The following ANKRD6 variants were observed in gnomAD, a reference collection of about 807,000 sequenced individuals.
ANKRD6 encodes the protein ankyrin repeat domain 6, also known as ankyrin repeat domain-containing protein 6.
ANKRD6 carries 56 observed loss-of-function variants against 82.3 expected under a neutral mutation model. That is an observed-to-expected ratio of 0.68 (90% CI 0.55 to 0.85). The LOEUF is 0.85. Ranked by LOEUF, ANKRD6 falls within the 40% of genes least tolerant of loss-of-function variation. The pLI is 0.00. For synonymous variants in ANKRD6, 347 were observed against 352.1 expected (o/e 0.99, Z 0.16); for missense variants, 852 against 907.6 (o/e 0.94, Z 0.79).
chr6:89,590,881 G>A (rs1794741947), intron 2 of ANKRD6, among the ~76,000 whole-genome samples: 1 of 152,152 alleles, frequency 6.6e-6, no homozygotes, highest in Admixed American at 6.6e-5. Context: ...TAATTGGGAG[G>A]ATAGAATTAG....
At position 89,629,120 on chromosome 6, in the gene ANKRD6, G is replaced by C. The variant is rs186353748; in HGVS notation, c.1494G>C (p.Leu498Phe). Residue 498 changes from leucine (L) to phenylalanine (F), a missense_variant, in exon 15 of 16, where the codon TTG (leucine) becomes TTC (phenylalanine). Physicochemically the swap from Leu to Phe is conservative, Grantham distance 22. Coordinates refer to ENST00000339746, the MANE Select transcript of ANKRD6 (RefSeq NM_001242809.2). ...KHEGEKRQISLVDELKTWCML... is the reference protein window; with the variant it reads ...KHEGEKRQISFVDELKTWCML... ...TTGTTTTTTTTTTTAAGATATCCTT[G>C]GTGGATGAATTAAAAACCTGGTGCA... The C allele has an allele frequency of 2.8e-4, 453 of 1,611,594 alleles. 1 individual carries two copies. The highest frequency in any genetic ancestry group is 7.2e-4 in the Admixed American group (43 of 59,862).
At position 89,508,687 on chromosome 6, in the gene ANKRD6, T is replaced by A. The variant is rs373682329; in HGVS notation, c.-143-58147T>A. ...GCAGCACTGAGATTTATTTTCCTGG[T>A]TACCTATATTTTATTCACATATTTA... On this transcript the variant is annotated intron_variant, in intron 1 of 15. Transcript: ENST00000339746. Among the ~76,000 whole-genome samples, 62 of 152,338 alleles carry A rather than the reference T, an allele frequency of 4.1e-4. No individual in the cohort carries two copies. In the South Asian group the frequency reaches 0.011, roughly 28 times the overall value.
At chr6:89,461,133 C>CT (rs1323224188) in intron 1 of ANKRD6, among the ~76,000 whole-genome samples, 15 of 152,134 alleles carry the variant, frequency 9.9e-5, no homozygotes, top group Admixed American at 9.8e-4. Flanking sequence ...ATGCTAGTCT[C>CT]TAACTCCTGA....
rs945128823 is a variant in ANKRD6 at position 89,629,233 on chromosome 6, C to T, written c.1607C>T (p.Ser536Phe). Reference sequence around the variant, plus strand: ...TCCACACCATCTACTTGTGAGTCCTCTACAGGTAACCCACACACAGAGAGC... The same window carrying T: ...TCCACACCATCTACTTGTGAGTCCTTTACAGGTAACCCACACACAGAGAGC... Reference protein sequence around the residue: ...AKSTPSTCESSTGVDQLVVTA... With the variant: ...AKSTPSTCESFTGVDQLVVTA... Residue 536 changes from serine to phenylalanine, a missense_variant, in exon 15 of 16, where the codon TCT becomes TTT. Coordinates refer to ENST00000339746, the MANE Select transcript of ANKRD6 (RefSeq NM_001242809.2). 6.2e-7 allele frequency: 1 copy of T among 1,613,818 alleles called. No individual in the cohort carries two copies. Among genetic ancestry groups the T allele is most frequent in the Non-Finnish European group, 8.5e-7 (1 of 1,179,842 alleles).
At chr6:89,624,485 A>G (rs1804901234) in intron 12 of ANKRD6, 54 bp from the exon 13 acceptor site, 3 of 1,542,296 alleles carry the variant, frequency 1.9e-6, no homozygotes, top group African/African-American at 1.4e-5. Flanking sequence ...TGCTCAAAAC[A>G]TACCTGATGA....
chr6:89,568,949 T>C (rs1022141679), intron 2 of ANKRD6, among the ~76,000 whole-genome samples: 1 of 141,278 alleles, frequency 7.1e-6, no homozygotes, highest in Non-Finnish European at 1.6e-5. Context: ...TTTTTTTTTT[T>C]AGACAGTGTG....
At chr6:89,483,896 CTCTCTCTCTG>C (rs1269140336) in intron 1 of ANKRD6, among the ~76,000 whole-genome samples, 1 of 151,972 alleles carries the variant, frequency 6.6e-6, no homozygotes, top group Non-Finnish European at 1.5e-5. Context: ...TAGTCCTCCT[CTCTCTCTCTG>C]TCTCTCTCTC....
chr6:89,516,947 CA>C (rs763060971), intron 1 of ANKRD6, among the ~76,000 whole-genome samples: 19 of 152,172 alleles, frequency 1.2e-4, no homozygotes, highest in Non-Finnish European at 8.8e-5. Context: ...TAGCTTACTG[CA>C]GCTTTGATAT....
intron 2 of ANKRD6, among the ~76,000 whole-genome samples, chr6:89,581,290 C>T (rs1044394751): frequency 7.2e-5 from 11 of 152,160 alleles, no homozygotes; most frequent in Non-Finnish European, 1.5e-4. Context: ...TTGCACAGTA[C>T]GATTATGTTT....
At chr6:89,472,724 G>A (rs765482195) in intron 1 of ANKRD6, among the ~76,000 whole-genome samples, 5 of 152,124 alleles carry the variant, frequency 3.3e-5, no homozygotes, top group Non-Finnish European at 5.9e-5. Context: ...ACTGGCCCAC[G>A]TTGGAGTATC....
intron 1 of ANKRD6, among the ~76,000 whole-genome samples, chr6:89,476,461 C>G (rs1776049027): frequency 6.6e-6 from 1 of 152,078 alleles, no homozygotes; most frequent in South Asian, 2.1e-4. Flanking sequence ...AGTGCTGGCA[C>G]CCAGCCAATA....
At chr6:89,577,149 A>G (rs1030194210) in intron 2 of ANKRD6, among the ~76,000 whole-genome samples, 3 of 151,722 alleles carry the variant, frequency 2.0e-5, no homozygotes, top group Admixed American at 2.0e-4. Context: ...CCTCTTCCCA[A>G]GGTCCCTTTT....
At chr6:89,468,681 A>G (rs1176496388) in intron 1 of ANKRD6, among the ~76,000 whole-genome samples, 1 of 150,342 alleles carries the variant, frequency 6.7e-6, no homozygotes, top group African/African-American at 2.5e-5. Context: ...AACTCCCCTC[A>G]TTCAAAGGGT....
chr6:89,465,843 A>G (rs930306993), intron 1 of ANKRD6, among the ~76,000 whole-genome samples: 1 of 152,144 alleles, frequency 6.6e-6, no homozygotes, highest in Admixed American at 6.5e-5. Flanking sequence ...AGCTTGGGTG[A>G]CAGAGTGAGA....
At chr6:89,453,878 T>G (rs1216779798) in intron 1 of ANKRD6, among the ~76,000 whole-genome samples, 1 of 152,124 alleles carries the variant, frequency 6.6e-6, no homozygotes, top group Non-Finnish European at 1.5e-5. Flanking sequence ...CTCGGCTCAC[T>G]GCAAGCTCAG....
At chr6:89,602,944 C>T (rs1338470029) in intron 3 of ANKRD6, 85 bp from the exon 4 acceptor site, 1 of 1,129,112 alleles carries the variant, frequency 8.9e-7, no homozygotes, top group Non-Finnish European at 1.3e-6. Context: ...CGGGAGGGGT[C>T]CTTGTGTCCA....
chr6:89,607,375 A>G (rs1220710750), intron 5 of ANKRD6, among the ~76,000 whole-genome samples: 1 of 152,126 alleles, frequency 6.6e-6, no homozygotes, highest in Non-Finnish European at 1.5e-5. Context: ...ATTATGGTTC[A>G]TTCATACAGT....
intron 1 of ANKRD6, among the ~76,000 whole-genome samples, chr6:89,556,672 C>A (rs1177892475): frequency 6.6e-6 from 1 of 152,098 alleles, no homozygotes; most frequent in East Asian, 1.9e-4. Flanking sequence ...AAGGCAGTGG[C>A]AGTACAGCTA....
In ANKRD6 at chr6:89,624,544, A is replaced by C; in HGVS notation, c.1224A>C (p.Pro408=). The change falls in exon 13 of 16, where the codon CCA becomes CCC. Residue 408 remains proline (P), a synonymous_variant. Transcript: ENST00000339746. ...RGKDGKVMQA[P]INGCRCEPLI... is the part of the protein sequence containing the mutation. ...CTTTTTTGTTTCTCTCTTAGGCACC[A>C]ATAAATGGTTGTCGATGTGAACCTC... 1 of 1,552,582 alleles carries C rather than the reference A, an allele frequency of 6.4e-7. No individual in the cohort carries two copies. The highest frequency in any genetic ancestry group is 8.7e-7 in the Non-Finnish European group (1 of 1,147,280).
Sources: gnomAD v4.1 joint callset for allele counts (sites outside exome capture counted in the v4.1 genomes callset) on GRCh38, gnomAD v4.1.1 for gene constraint, MANE v1.5 for transcripts, NCBI Gene and HGNC (gene_info 2026-07-23, HGNC 2026-07-21) for gene names.